The following ERC2 variants were observed in gnomAD, a reference collection of about 807,000 sequenced individuals.
ERC2 encodes the protein ELKS/RAB6-interacting/CAST family member 2, also known as ERC protein 2.
ERC2 carries 42 observed loss-of-function variants against 114.8 expected under a neutral mutation model. That is an observed-to-expected ratio of 0.37 (90% CI 0.29 to 0.47). The LOEUF (loss-of-function observed/expected upper bound fraction) is 0.47. Ranked by LOEUF, ERC2 falls within the 20% of genes least tolerant of loss-of-function variation. ERC2 has a pLI of 0.99. For synonymous variants in ERC2, 454 were observed against 425.5 expected (o/e 1.07, Z -0.82); for missense variants, 939 against 1,150.7 (o/e 0.82, Z 2.66).
At chr3:55,723,462 TC>T (rs560475767) in intron 15 of ERC2, among the ~76,000 whole-genome samples, 1 of 152,254 alleles carries the variant, frequency 6.6e-6, no homozygotes, top group South Asian at 2.1e-4. Flanking sequence ...TACCTTTTAA[TC>T]TAGTGCATTA....
intron 2 of ERC2, among the ~76,000 whole-genome samples, chr3:56,338,596 A>G (rs1237417686): frequency 7.4e-6 from 1 of 136,050 alleles, no homozygotes; most frequent in Non-Finnish European, 1.6e-5. Context: ...CTTTTGAGAC[A>G]TGAAAACAAA....
intron 2 of ERC2, among the ~76,000 whole-genome samples, chr3:56,379,302 AG>A (rs2059661722): frequency 6.6e-6 from 1 of 152,218 alleles, no homozygotes; most frequent in Non-Finnish European, 1.5e-5. Flanking sequence ...TTATGAAGAT[AG>A]CTCATCTCTC....
Position 55,886,414 on chromosome 3 carries a change from T to C in ERC2, c.2564+1975A>G, listed in dbSNP as rs572613996. Among the ~76,000 whole-genome samples the C allele has an allele frequency of 6.6e-5, 10 of 152,346 alleles. No homozygotes were observed. The South Asian group carries it at 1.7e-3, about 25-fold the overall frequency. ...ATTCCAAAATCTTTCTCTATTCTTA[T>C]ATAAATCATAACATTCCATATTGTT... is the stretch of plus-strand genomic sequence containing the variant. On this transcript the variant is annotated intron_variant, in intron 14 of 17. Transcript: ENST00000288221.
intron 1 of ERC2, among the ~76,000 whole-genome samples, chr3:56,457,136 A>T (rs2317064): frequency 6.6e-6 from 1 of 152,206 alleles, no homozygotes; most frequent in Non-Finnish European, 1.5e-5. Context: ...TTAATCTAAC[A>T]AAGTCAGTTT....
intron 17 of ERC2, among the ~76,000 whole-genome samples, chr3:55,601,995 G>T (rs74914711): frequency 1.7e-4 from 26 of 152,344 alleles, no homozygotes; most frequent in East Asian, 1.5e-3. Context: ...CAGTGAAACA[G>T]TAAGTCCTCA....
At chr3:56,026,435 T>A (rs1054708840) in intron 7 of ERC2, among the ~76,000 whole-genome samples, 6 of 152,130 alleles carry the variant, frequency 3.9e-5, no homozygotes, top group Non-Finnish European at 7.4e-5. Context: ...GCTGCTTTAA[T>A]GAGATGACTA....
At chr3:55,866,961 T>C (rs1476905486) in intron 14 of ERC2, among the ~76,000 whole-genome samples, 1 of 152,166 alleles carries the variant, frequency 6.6e-6, no homozygotes, top group East Asian at 1.9e-4. Flanking sequence ...TTTTATATAA[T>C]ATAAAAATGG....
intron 17 of ERC2, chr3:55,659,337 T>C (rs908575478): frequency 3.3e-5 from 5 of 152,160 alleles, no homozygotes; most frequent in Non-Finnish European, 7.3e-5. Context: ...CAGAATAATA[T>C]TTGCATGATG....
At chr3:55,971,687 T>C (rs111993672) in intron 12 of ERC2, among the ~76,000 whole-genome samples, 8,215 of 152,242 alleles carry the variant, frequency 0.054, 515 homozygotes, top group African/African-American at 0.15. Context: ...CTCTGGGTGG[T>C]GGAGGAGTAA....
intron 6 of ERC2, among the ~76,000 whole-genome samples, chr3:56,110,359 T>C (rs1223716810): frequency 5.9e-5 from 9 of 152,098 alleles, no homozygotes; most frequent in Admixed American, 3.3e-4. Flanking sequence ...ATACTAACTA[T>C]ACAAGTGAAA....
chr3:55,963,984 C>T (rs530665168), intron 12 of ERC2, among the ~76,000 whole-genome samples: 4 of 152,128 alleles, frequency 2.6e-5, no homozygotes, highest in Middle Eastern at 3.4e-3. Context: ...TAAAATAAAA[C>T]GGAGGTATAA....
At chr3:55,615,843 T>A (rs1048504187) in intron 17 of ERC2, among the ~76,000 whole-genome samples, 1 of 152,232 alleles carries the variant, frequency 6.6e-6, no homozygotes, top group African/African-American at 2.4e-5. Context: ...ACCTGCTGAC[T>A]GCCTGCCGAG....
At chr3:56,172,674 T>C (rs962472864) in intron 4 of ERC2, among the ~76,000 whole-genome samples, 2 of 152,222 alleles carry the variant, frequency 1.3e-5, no homozygotes, top group Non-Finnish European at 2.9e-5. Flanking sequence ...AAGAATTATT[T>C]ATTATTGAGA....
At chr3:56,065,045 G>A (rs2149714598) in intron 7 of ERC2, among the ~76,000 whole-genome samples, 1 of 152,282 alleles carries the variant, frequency 6.6e-6, no homozygotes, top group South Asian at 2.1e-4. Context: ...GCTGAACTCA[G>A]GGTTTAATGA....
Position 55,517,442 on chromosome 3 carries a change from G to A in ERC2, c.*40-6166C>T, listed in dbSNP as rs1450901124. Among the ~76,000 whole-genome samples, 22 of 58,208 alleles carry A rather than the reference G, an allele frequency of 3.8e-4. 1 individual carries two copies. The South Asian group carries it at 0.012, about 31-fold the overall frequency. The allele number at this position is 58,208 out of a possible 152,430, so 38.2% of individuals were successfully genotyped here. ...AGCCTGGGTGACGGAGTAAGACTCC[G>A]TCTCAAAAAAAAAAAAAAAAAAAAA... On this transcript the variant is annotated intron_variant, in intron 17 of 17. Transcript: ENST00000288221.
chr3:55,619,764 A>G (rs1422394347), intron 17 of ERC2, among the ~76,000 whole-genome samples: 1 of 152,198 alleles, frequency 6.6e-6, no homozygotes, highest in Non-Finnish European at 1.5e-5. Context: ...GTGTTCCTAC[A>G]TTGCTATAAT....
At chr3:56,257,735 G>C (rs2150250542) in intron 3 of ERC2, among the ~76,000 whole-genome samples, 1 of 152,186 alleles carries the variant, frequency 6.6e-6, no homozygotes, top group African/African-American at 2.4e-5. Flanking sequence ...TCTGATTCTA[G>C]CACAGAATGA....
chr3:56,149,100 T>C lies in ERC2; in HGVS notation c.1182A>G (p.Ile394Met). ...DTKIASLERN[I>M]RDLEDEIQML... ...TCTGGATCTCATCCTCAAGATCCCT[T>C]ATGTTTCGTTCCAATGAAGCGATTT... The change falls in exon 5 of 18, where the codon ATA (isoleucine) becomes ATG (methionine). Residue 394 changes from isoleucine to methionine, a missense_variant. Ile to Met is a conservative substitution (Grantham distance 10, BLOSUM62 1). Transcript: ENST00000288221. 1.2e-6 allele frequency: 2 copies of C among 1,612,060 alleles called. No individual in the cohort carries two copies. Among genetic ancestry groups the C allele is most frequent in the Non-Finnish European group, 1.7e-6 (2 of 1,178,910 alleles).
At position 56,442,383 on chromosome 3, in the gene ERC2, C is replaced by A. The variant is rs1231156084; in HGVS notation, c.-140-7236G>T. Among the ~76,000 whole-genome samples the A allele has an allele frequency of 2.6e-5, 4 of 152,216 alleles. No individual in the cohort carries two copies. The East Asian group carries it at 5.8e-4, about 22-fold the overall frequency. ...CACAAGCGCACACCCCCTCGCCTGG[C>A]AAATTTTTGTAATTTTTGAAGAAAC... On this transcript the variant is annotated intron_variant, in intron 1 of 17. Transcript: ENST00000288221.
Sources: gnomAD v4.1 joint callset for allele counts (sites outside exome capture counted in the v4.1 genomes callset) on GRCh38, gnomAD v4.1.1 for gene constraint, MANE v1.5 for transcripts, NCBI Gene and HGNC (gene_info 2026-07-23, HGNC 2026-07-21) for gene names.